SYCP1: variants seen among roughly 807,000 people sequenced by gnomAD.
The protein encoded by SYCP1 is cancer/testis antigen 8.
SYCP1 carries 64 observed loss-of-function variants against 153.1 expected under a neutral mutation model. That is an observed-to-expected ratio of 0.42 (90% CI 0.34 to 0.51). SYCP1 has a LOEUF of 0.51. Among genes scored for constraint, SYCP1 ranks in the 20% least tolerant of loss-of-function variants. The probability of loss-of-function intolerance (pLI) is 0.06; values close to 1 mark genes in which losing one functional copy is unlikely to be tolerated. For missense variants in SYCP1, 997 were observed against 1,049.0 expected, an observed-to-expected ratio of 0.95 and a Z score of 0.68; for synonymous variants, 384 against 341.8, an observed-to-expected ratio of 1.12 and a Z score of -1.36.
intron 27 of SYCP1, among the ~76,000 whole-genome samples, chr1:114,973,810 T>G (rs564490626): frequency 6.6e-6 from 1 of 151,988 alleles, no homozygotes; most frequent in African/African-American, 2.4e-5. Context: ...ATTTCAATTA[T>G]GTGTACTTCA....
At chr1:114,988,077 C>T (rs11102859) in intron 30 of SYCP1, among the ~76,000 whole-genome samples, 54,479 of 122,812 alleles carry the variant, frequency 0.44, 11,706 homozygotes, top group Middle Eastern at 0.56. Context: ...GTCTGATAAA[C>T]GGCAAAAAAA....
chr1:114,924,575 G>C (rs182414986), intron 21 of SYCP1, among the ~76,000 whole-genome samples: 1 of 152,268 alleles, frequency 6.6e-6, no homozygotes, highest in Admixed American at 6.5e-5. Flanking sequence ...GTGGAGGACA[G>C]GTGGTGGATA....
At chr1:114,866,428 T>C (rs184345545) in intron 8 of SYCP1, among the ~76,000 whole-genome samples, 29 of 152,296 alleles carry the variant, frequency 1.9e-4, no homozygotes, top group Non-Finnish European at 3.5e-4. Flanking sequence ...ATTTCTCTGA[T>C]GACATATGAT....
rs1250847568 is a variant in SYCP1 at position 114,981,408 on chromosome 1, A to G, written c.2455A>G (p.Thr819Ala). 19 of 1,609,484 alleles carry G rather than the reference A, an allele frequency of 1.2e-5. No homozygotes were observed. The highest frequency in any genetic ancestry group is 1.5e-5 in the Non-Finnish European group (18 of 1,178,296). The change falls in exon 29 of 32, where the codon ACT (threonine) becomes GCT (alanine). Residue 819 changes from threonine (T) to alanine (A), a missense_variant. Thr to Ala is a moderately conservative substitution (Grantham distance 58). Around this residue, in one of 2 missense-constraint regions of SYCP1, gnomAD observed 712 missense variants for 682.9 expected, o/e 1.04. Coordinates refer to ENST00000369522, the MANE Select transcript of SYCP1 (RefSeq NM_003176.4). The stretch of plus-strand genomic sequence containing the variant: ...GGATTCTAAAGCAGTTCCTTCACAA[A>G]CTGTATCTCGAAATTTCACATCAGT... ...KLDSKAVPSQ[T>A]VSRNFTSVDH...
intron 17 of SYCP1, among the ~76,000 whole-genome samples, chr1:114,910,947 C>A (rs954020547): frequency 2.6e-5 from 4 of 152,010 alleles, no homozygotes; most frequent in Non-Finnish European, 4.4e-5. Context: ...TTAATTGGTA[C>A]ATTTGAAATT....
chr1:114,902,735 ACTTGTTAGCTAT>A (rs1667551944), intron 16 of SYCP1, among the ~76,000 whole-genome samples: 1 of 142,990 alleles, frequency 7.0e-6, no homozygotes, highest in African/African-American at 3.0e-5. Context: ...GCAGCTCTTT[ACTTGTTAGCTAT>A]ATGATCAAGA....
chr1:114,933,771 C>T (rs1172848231), intron 23 of SYCP1, among the ~76,000 whole-genome samples: 1 of 152,080 alleles, frequency 6.6e-6, no homozygotes, highest in African/African-American at 2.4e-5. Context: ...GCACAAGCTT[C>T]AGTAGCTGAT....
intron 8 of SYCP1, among the ~76,000 whole-genome samples, 157 bp from the exon 9 acceptor site, chr1:114,874,349 T>C (rs1557761172): frequency 6.6e-6 from 1 of 152,222 alleles, no homozygotes; most frequent in Non-Finnish European, 1.5e-5. Context: ...CAGCTTTTGA[T>C]GCAACTTAAA....
chr1:114,908,340 A>G (rs1667953694), intron 16 of SYCP1, among the ~76,000 whole-genome samples: 1 of 152,170 alleles, frequency 6.6e-6, no homozygotes. Flanking sequence ...AGCAGTATGT[A>G]AGTGAAGTTG....
intron 8 of SYCP1, among the ~76,000 whole-genome samples, chr1:114,863,467 C>T (rs939796625): frequency 5.3e-5 from 8 of 152,208 alleles, no homozygotes; most frequent in African/African-American, 7.2e-5. Context: ...GCAGGGGAAT[C>T]GCTTGAACCC....
chr1:114,987,539 G>T (rs1670543575), intron 30 of SYCP1, among the ~76,000 whole-genome samples: 1 of 151,862 alleles, frequency 6.6e-6, no homozygotes, highest in African/African-American at 2.4e-5. Context: ...GTGGCACATG[G>T]CCTGTAGTCT....
chr1:114,990,064 A>G (rs1001895631), intron 30 of SYCP1, among the ~76,000 whole-genome samples: 2 of 151,974 alleles, frequency 1.3e-5, no homozygotes, highest in Admixed American at 6.6e-5. Flanking sequence ...TCAGGTGCCC[A>G]TGAGACATTC....
chr1:114,882,234 C>T (rs895312618), intron 12 of SYCP1, among the ~76,000 whole-genome samples: 20 of 152,054 alleles, frequency 1.3e-4, no homozygotes, highest in South Asian at 4.2e-4. Flanking sequence ...AAACCAAACC[C>T]GAAACCAAAA....
rs918260585 is a variant in SYCP1 at position 114,981,494 on chromosome 1, A to T, written c.2541A>T (p.Leu847Phe). Residue 847 changes from leucine (L) to phenylalanine (F), a missense_variant, in exon 29 of 32, where the codon TTA becomes TTT. Transcript: ENST00000369522. The stretch of plus-strand genomic sequence containing the variant: ...TGTGGACATCTGCCAAAAATACTTT[A>T]TCTACACCATTGCCAAAGGTTTGTG... ...DYLWTSAKNT[L>F]STPLPKAYTV... The T allele has an allele frequency of 3.8e-6, 6 of 1,590,964 alleles. No homozygotes were observed. The South Asian group carries it at 7.1e-5, about 19-fold the overall frequency.
At chr1:114,883,411 G>A (rs145609905) in intron 12 of SYCP1, among the ~76,000 whole-genome samples, 1 of 152,076 alleles carries the variant, frequency 6.6e-6, no homozygotes, top group Non-Finnish European at 1.5e-5. Context: ...TCTGTTCATG[G>A]TGCTTTGTTT....
chr1:114,935,880 A>C (rs1360460770), intron 23 of SYCP1, among the ~76,000 whole-genome samples: 1 of 151,736 alleles, frequency 6.6e-6, no homozygotes, highest in Non-Finnish European at 1.5e-5. Flanking sequence ...TGAGTAGACC[A>C]AAAAGGTTCT....
chr1:114,866,132 G>A (rs1213135457), intron 8 of SYCP1, among the ~76,000 whole-genome samples: 1 of 152,292 alleles, frequency 6.6e-6, no homozygotes, highest in East Asian at 1.9e-4. Flanking sequence ...TATGAATAAA[G>A]CTGCTATAAA....
chr1:114,934,894 C>G (rs1669890206), intron 23 of SYCP1, among the ~76,000 whole-genome samples: 1 of 152,140 alleles, frequency 6.6e-6, no homozygotes, highest in African/African-American at 2.4e-5. Context: ...CAGGAGCACC[C>G]AGATTCATAA....
At chr1:114,937,016 A>G (rs1333655123) in intron 23 of SYCP1, among the ~76,000 whole-genome samples, 1 of 152,184 alleles carries the variant, frequency 6.6e-6, no homozygotes, top group Non-Finnish European at 1.5e-5. Context: ...GCTACCAATC[A>G]CTTTCTTCAC....
Sources: allele counts gnomAD v4.1 joint callset (sites outside exome capture counted in the v4.1 genomes callset), GRCh38; gene constraint gnomAD v4.1.1; regional missense constraint gnomAD v4.1.1; transcripts MANE v1.5; gene names NCBI Gene and HGNC (gene_info 2026-07-23, HGNC 2026-07-21).